CSMD1: variants seen among roughly 807,000 people sequenced by gnomAD.
The protein encoded by CSMD1 is CUB and Sushi multiple domains 1.
CSMD1 carries 213 observed loss-of-function variants against 417.5 expected under a neutral mutation model. The ratio of observed to expected loss-of-function variants is 0.51; its 90% CI spans 0.46 to 0.57. The LOEUF (loss-of-function observed/expected upper bound fraction) is 0.57. Among genes scored for constraint, CSMD1 ranks in the 20% least tolerant of loss-of-function variants. The pLI is 0.00. For synonymous variants in CSMD1, 2,862 were observed against 1,736.8 expected, an observed-to-expected ratio of 1.65 and a Z score of -16.11; for missense variants, 6,923 against 4,529.7, an observed-to-expected ratio of 1.53 and a Z score of -15.17.
chr8:3,458,625 G>A (rs184634994), intron 12 of CSMD1, among the ~76,000 whole-genome samples: 10 of 152,178 alleles, frequency 6.6e-5, no homozygotes, highest in Admixed American at 3.9e-4. Context: ...ACAACGGAAC[G>A]CTAGTTGGCC....
chr8:4,484,199 CG>C (rs1276277057), intron 2 of CSMD1, among the ~76,000 whole-genome samples: 13 of 131,268 alleles, frequency 9.9e-5, no homozygotes, highest in Non-Finnish European at 1.9e-4. Flanking sequence ...TTGGATGACA[CG>C]AAAAAAAAAA....
chr8:4,507,448 G>C (rs901310236), intron 2 of CSMD1, among the ~76,000 whole-genome samples: 2 of 152,124 alleles, frequency 1.3e-5, no homozygotes, highest in Non-Finnish European at 2.9e-5. Context: ...GTGCCAGGCT[G>C]TCCTTATCTC....
chr8:4,463,635 G>T (rs890049121), intron 2 of CSMD1, among the ~76,000 whole-genome samples: 2 of 152,044 alleles, frequency 1.3e-5, no homozygotes, highest in Non-Finnish European at 2.9e-5. Context: ...CTACTAAATG[G>T]AAAGAGCTAG....
intron 15 of CSMD1, among the ~76,000 whole-genome samples, chr8:3,400,365 G>GA (rs981172871): frequency 1.3e-5 from 2 of 152,002 alleles, no homozygotes; most frequent in African/African-American, 4.8e-5. Flanking sequence ...ACTCCAAGGT[G>GA]AAAAAATCCT....
At chr8:4,465,742 AGTTT>A (rs1486396470) in intron 2 of CSMD1, among the ~76,000 whole-genome samples, 1 of 152,166 alleles carries the variant, frequency 6.6e-6, no homozygotes, top group African/African-American at 2.4e-5. Context: ...GAGGAACTCT[AGTTT>A]GTAGGTCATC....
chr8:4,405,908 C>A (rs878913512), intron 3 of CSMD1, among the ~76,000 whole-genome samples: 2 of 152,156 alleles, frequency 1.3e-5, no homozygotes, highest in Non-Finnish European at 2.9e-5. Context: ...AATATTTGCT[C>A]CAAGGAGCAT....
At chr8:3,992,354 G>C (rs142933810) in intron 5 of CSMD1, among the ~76,000 whole-genome samples, 273 of 152,154 alleles carry the variant, frequency 1.8e-3, no homozygotes, top group Non-Finnish European at 2.9e-3. Flanking sequence ...ATCTTATTTT[G>C]TTCCCGTTAA....
intron 6 of CSMD1, among the ~76,000 whole-genome samples, chr8:3,747,891 C>T (rs933114909): frequency 2.0e-5 from 3 of 152,070 alleles, no homozygotes; most frequent in Admixed American, 6.5e-5. Context: ...GAGGAAGGTC[C>T]TCAGTGTGGC....
chr8:4,730,833 C>T (rs1226734551), intron 1 of CSMD1, among the ~76,000 whole-genome samples: 1 of 151,944 alleles, frequency 6.6e-6, no homozygotes, highest in Non-Finnish European at 1.5e-5. Context: ...GTGCATAATG[C>T]TTTATCTAAA....
At chr8:3,522,188 G>A (rs73658149) in intron 10 of CSMD1, among the ~76,000 whole-genome samples, 3,914 of 152,150 alleles carry the variant, frequency 0.026, 151 homozygotes, top group African/African-American at 0.088. Context: ...GTGAAAAATC[G>A]TTATATGATT....
chr8:3,993,910 G>C (rs958631138), intron 5 of CSMD1, among the ~76,000 whole-genome samples: 3 of 152,174 alleles, frequency 2.0e-5, no homozygotes, highest in Non-Finnish European at 4.4e-5. Flanking sequence ...TTTCCACGTG[G>C]AAACGTGCAG....
chr8:3,448,391 GAGGAA>G (rs1355965083), intron 12 of CSMD1, among the ~76,000 whole-genome samples: 1 of 129,600 alleles, frequency 7.7e-6, no homozygotes, highest in Non-Finnish European at 1.7e-5. Context: ...GAGGAGGGAG[GAGGAA>G]GGGAAGGAAG....
intron 3 of CSMD1, among the ~76,000 whole-genome samples, chr8:4,148,400 G>C (rs766974291): frequency 6.6e-5 from 10 of 151,610 alleles, no homozygotes; most frequent in Admixed American, 3.9e-4. Flanking sequence ...AATAGCATTA[G>C]GAGATATACC....
intron 2 of CSMD1, among the ~76,000 whole-genome samples, chr8:4,601,981 C>G (rs746850529): frequency 3.9e-5 from 6 of 152,176 alleles, no homozygotes; most frequent in Admixed American, 6.5e-5. Context: ...AGCAACTGTA[C>G]TCTCTGAAAG....
intron 68 of CSMD1, among the ~76,000 whole-genome samples, chr8:2,947,749 G>T (rs1802350003): frequency 6.6e-6 from 1 of 152,040 alleles, no homozygotes; most frequent in Non-Finnish European, 1.5e-5. Flanking sequence ...CTTAGAGCAA[G>T]AGAAAAAACA....
At chr8:4,560,990 G>C (rs188295026) in intron 2 of CSMD1, among the ~76,000 whole-genome samples, 3 of 152,258 alleles carry the variant, frequency 2.0e-5, no homozygotes, top group Admixed American at 2.0e-4. Context: ...TATTTCCCAA[G>C]TCTTACACAG....
intron 10 of CSMD1, among the ~76,000 whole-genome samples, chr8:3,523,124 T>A (rs2117462030): frequency 6.6e-6 from 1 of 152,086 alleles, no homozygotes; most frequent in South Asian, 2.1e-4. Context: ...ACATTTTTCC[T>A]AAACACGTAG....
chr8:3,334,035 C>A (rs1242200566), intron 23 of CSMD1, among the ~76,000 whole-genome samples: 2 of 152,188 alleles, frequency 1.3e-5, no homozygotes, highest in South Asian at 2.1e-4. Context: ...ATCGTGATGC[C>A]CTTTTATATC....
At chr8:3,515,574 G>A (rs370768659) in intron 10 of CSMD1, among the ~76,000 whole-genome samples, 8 of 152,178 alleles carry the variant, frequency 5.3e-5, no homozygotes, top group East Asian at 3.9e-4. Flanking sequence ...TGCCGTTTTC[G>A]GAAGTTTAGA....
Sources: allele counts gnomAD v4.1 joint callset (sites outside exome capture counted in the v4.1 genomes callset), GRCh38; gene constraint gnomAD v4.1.1; transcripts MANE v1.5; gene names NCBI Gene and HGNC (gene_info 2026-07-23, HGNC 2026-07-21).